Variants in PCDHGA6 observed in about 807,000 individuals in gnomAD.
The protein encoded by PCDHGA6 is protocadherin gamma subfamily A, 6, also known as protocadherin gamma-A6.
PCDHGA6 carries 41 observed loss-of-function variants against 60.6 expected under a neutral mutation model. The observed-to-expected ratio is 0.68, with a 90% CI of 0.53 to 0.88. The LOEUF (loss-of-function observed/expected upper bound fraction) is 0.88. Ranked by LOEUF, PCDHGA6 falls within the 40% of genes least tolerant of loss-of-function variation. The pLI is 0.00. For missense variants in PCDHGA6, 1,312 were observed against 1,203.0 expected (o/e 1.09, Z -1.34); for synonymous variants, 594 against 524.4 (o/e 1.13, Z -1.81).
Position 141,374,661 on chromosome 5 carries a change from A to G in PCDHGA6, c.578A>G (p.Glu193Gly). The G allele has an allele frequency of 6.2e-7, 1 of 1,611,830 alleles. No homozygotes were observed. The highest frequency in any genetic ancestry group is 8.5e-7 in the Non-Finnish European group (1 of 1,178,856). ...QSEAHGPKYP[E>G]LVLEGTLDRE... ...GAAGCCCATGGGCCCAAGTACCCGG[A>G]GCTGGTGCTGGAGGGCACACTGGAC... Residue 193 changes from glutamate (E) to glycine (G), a missense_variant, in exon 1 of 4, where the codon GAG (glutamate) becomes GGG (glycine). Glu to Gly is a moderately conservative substitution (Grantham distance 98, BLOSUM62 -2). Transcript: ENST00000517434.
At position 141,476,294 on chromosome 5, in the gene PCDHGA6, A is replaced by T. The variant is rs376905832; in HGVS notation, c.2425-18513A>T. On this transcript the variant is annotated intron_variant, in intron 1 of 3. Coordinates refer to ENST00000517434, the MANE Select transcript of PCDHGA6 (RefSeq NM_018919.3). The surrounding 1 kb of genome is among the most constrained non-coding windows in gnomAD (Gnocchi z 7.6). ...CGCGAACCTTGGTTTGGATCTCGGT[A>T]GCCTCTCAGCCCGCAGGTTCCGGGT... is the stretch of plus-strand genomic sequence containing the variant. 2 of 1,613,036 alleles carry T rather than the reference A, an allele frequency of 1.2e-6. No homozygotes were observed. The highest frequency in any genetic ancestry group is 1.7e-6 in the Non-Finnish European group (2 of 1,179,642).
chr5:141,395,372 G>A, intron 1 of PCDHGA6: 2 of 1,191,834 alleles, frequency 1.7e-6, no homozygotes, highest in Non-Finnish European at 2.3e-6. Flanking sequence ...TTATTTTGGT[G>A]GTGTTACTAT....
chr5:141,380,433 A>C (rs1228885429), intron 1 of PCDHGA6, among the ~76,000 whole-genome samples: 1 of 152,256 alleles, frequency 6.6e-6, no homozygotes, highest in Non-Finnish European at 1.5e-5. Flanking sequence ...TAGACTTTAC[A>C]TAGAATTCTT....
intron 1 of PCDHGA6, among the ~76,000 whole-genome samples, chr5:141,463,209 A>G (rs1189251811): frequency 6.6e-6 from 1 of 152,140 alleles, no homozygotes; most frequent in African/African-American, 2.4e-5. Flanking sequence ...TTGGGGATCC[A>G]TATTAATATT....
chr5:141,414,415 C>A (rs769791452), intron 1 of PCDHGA6: 1 of 1,613,876 alleles, frequency 6.2e-7, no homozygotes, highest in Admixed American at 1.7e-5. Context: ...ACACAGAGCC[C>A]TTGACAGGGA....
intron 1 of PCDHGA6, among the ~76,000 whole-genome samples, chr5:141,460,979 GTGTGTATATA>G (rs143444831): frequency 0.04 from 5,417 of 134,264 alleles, 125 homozygotes; most frequent in South Asian, 0.082. Context: ...GTGTGTGTGT[GTGTGTATATA>G]TATATATGTG....
intron 1 of PCDHGA6, chr5:141,478,633 T>C: frequency 6.4e-7 from 1 of 1,553,032 alleles, no homozygotes; most frequent in Non-Finnish European, 8.7e-7. Context: ...GTTTTTTTAG[T>C]GATGAAGATG....
chr5:141,436,193 A>G (rs2097801112), intron 1 of PCDHGA6, among the ~76,000 whole-genome samples: 1 of 152,156 alleles, frequency 6.6e-6, no homozygotes, highest in South Asian at 2.1e-4. Flanking sequence ...AAATAGAAAG[A>G]AAGACATAAT....
chr5:141,388,743 A>G (rs1228676619), intron 1 of PCDHGA6: 1 of 1,613,916 alleles, frequency 6.2e-7, no homozygotes, highest in Non-Finnish European at 8.5e-7. Context: ...AGCTAGCCAG[A>G]TCACCCAATT....
intron 1 of PCDHGA6, among the ~76,000 whole-genome samples, chr5:141,482,442 C>T (rs942933015): frequency 1.4e-5 from 2 of 147,678 alleles, no homozygotes; most frequent in Non-Finnish European, 3.0e-5. Flanking sequence ...CTGATATTCA[C>T]CATTTATTAG....
chr5:141,408,346 G>T (rs1248648378), intron 1 of PCDHGA6: 1 of 1,613,824 alleles, frequency 6.2e-7, no homozygotes, highest in African/African-American at 1.3e-5. Context: ...CGGTGGTGGG[G>T]AACCTCGCTA....
At chr5:141,503,089 G>C (rs1352372525) in intron 2 of PCDHGA6, among the ~76,000 whole-genome samples, 2 of 151,590 alleles carry the variant, frequency 1.3e-5, no homozygotes, top group Non-Finnish European at 2.9e-5. Context: ...TCCTGACCTC[G>C]TGGTCTGCCC....
Position 141,418,514 on chromosome 5 carries a change from G to A in PCDHGA6, c.2424+42007G>A. Reference sequence around the variant, plus strand: ...GGTACTGACCGCCTTAGATGGTGGGGACCCTCCCCGAAGCGGTACTGCTCA... The same window carrying A: ...GGTACTGACCGCCTTAGATGGTGGGAACCCTCCCCGAAGCGGTACTGCTCA... On this transcript the variant is annotated intron_variant, in intron 1 of 3. Transcript: ENST00000517434. 1 of 1,613,996 alleles carries A rather than the reference G, an allele frequency of 6.2e-7. No homozygotes were observed.
intron 2 of PCDHGA6, 30 bp from the exon 3 acceptor site, chr5:141,505,361 AGT>A: frequency 6.2e-7 from 1 of 1,613,910 alleles, no homozygotes; most frequent in Non-Finnish European, 8.5e-7. Context: ...CCGGCCTGGG[AGT>A]CTGTGCTCAC....
Position 141,383,564 on chromosome 5 carries a change from G to A in PCDHGA6, c.2424+7057G>A, listed in dbSNP as rs767546411. On this transcript the variant is annotated intron_variant, in intron 1 of 3. Coordinates refer to ENST00000517434, the MANE Select transcript of PCDHGA6 (RefSeq NM_018919.3). ...GCCTCTGATGGCGGCGACCCGCCCC[G>A]ATCCAGCACCGCCCACATCCAGGTG... 6.2e-6 allele frequency: 10 copies of A among 1,612,926 alleles called. No homozygotes were observed. In the East Asian group the frequency reaches 6.7e-5, roughly 11 times the overall value.
rs1437479138 is a variant in PCDHGA6 at position 141,376,460 on chromosome 5, A to G, written c.2377A>G (p.Ile793Val). 3 of 1,614,038 alleles carry G rather than the reference A, an allele frequency of 1.9e-6. No homozygotes were observed. Among genetic ancestry groups the G allele is most frequent in the Non-Finnish European group, 2.5e-6 (3 of 1,180,040 alleles). ...CTATGAGAAAAGCGAGCCTCTTCTG[A>G]TAACTCAGGATTTACTTGAAACGAA... Reference protein sequence around the residue: ...ESYEKSEPLLITQDLLETKGE... With the variant: ...ESYEKSEPLLVTQDLLETKGE... Residue 793 changes from isoleucine (I) to valine (V), a missense_variant, in exon 1 of 4, where the codon ATA (isoleucine) becomes GTA (valine). Transcript: ENST00000517434.
At chr5:141,423,567 C>T (rs771827702) in intron 1 of PCDHGA6, 4 of 1,613,602 alleles carry the variant, frequency 2.5e-6, no homozygotes, top group Admixed American at 1.7e-5. Flanking sequence ...GGGACACGCT[C>T]ATCAGCCAGG....
At position 141,490,027 on chromosome 5, in the gene PCDHGA6, C is replaced by T. The variant is rs767829552; in HGVS notation, c.2425-4780C>T. Reference sequence around the variant, plus strand: ...TGCACCCATTGGTACTCTGCTGCTCCGCCTCAATGCCACTGATCCAGACGA... The same window carrying T: ...TGCACCCATTGGTACTCTGCTGCTCTGCCTCAATGCCACTGATCCAGACGA... On this transcript the variant is annotated intron_variant, in intron 1 of 3. Coordinates refer to ENST00000517434, the MANE Select transcript of PCDHGA6 (RefSeq NM_018919.3). This position sits in a 1 kb window ranked among gnomAD's most constrained non-coding sequence, Gnocchi z 5.4. The T allele has an allele frequency of 2.4e-5, 39 of 1,614,096 alleles. No homozygotes were observed. The highest frequency in any genetic ancestry group is 4.0e-5 in the African/African-American group (3 of 74,942).
chr5:141,399,711 A>G (rs1232938340), intron 1 of PCDHGA6: 5 of 1,613,236 alleles, frequency 3.1e-6, no homozygotes, highest in African/African-American at 1.3e-5. Context: ...AACTCACACT[A>G]CAGGCCCGCG....
Sources: allele counts gnomAD v4.1 joint callset (sites outside exome capture counted in the v4.1 genomes callset), GRCh38; gene constraint gnomAD v4.1.1; non-coding constraint Gnocchi (gnomAD v3.1); transcripts MANE v1.5; gene names NCBI Gene and HGNC (gene_info 2026-07-23, HGNC 2026-07-21).